The following PIK3C3 variants were observed in gnomAD, a reference collection of about 807,000 sequenced individuals.
PIK3C3 encodes phosphatidylinositol 3-kinase catalytic subunit type 3.
PIK3C3 carries 95 observed loss-of-function variants against 126.1 expected under a neutral mutation model. The ratio of observed to expected loss-of-function variants is 0.75; its 90% CI spans 0.64 to 0.89. The LOEUF (loss-of-function observed/expected upper bound fraction) is 0.89, where lower values mean the gene tolerates loss of function less well. PIK3C3 is among the 40% of genes least tolerant of loss of function. The probability of loss-of-function intolerance (pLI) is 0.00; values close to 1 mark genes in which losing one functional copy is unlikely to be tolerated. For synonymous variants in PIK3C3, 374 were observed against 360.0 expected (o/e 1.04, Z -0.44); for missense variants, 829 against 1,063.2 (o/e 0.78, Z 3.06).
intron 24 of PIK3C3, among the ~76,000 whole-genome samples, chr18:42,076,191 TGC>T (rs1568013939): frequency 7.2e-5 from 8 of 110,920 alleles, no homozygotes; most frequent in South Asian, 4.9e-4. Context: ...CATATATATA[TGC>T]ACACATATAT....
intron 4 of PIK3C3, among the ~76,000 whole-genome samples, chr18:41,984,175 C>T (rs1981350517): frequency 6.6e-6 from 1 of 151,996 alleles, no homozygotes; most frequent in Admixed American, 6.6e-5. Context: ...TAACAGAATG[C>T]AGATTTTCTC....
chr18:42,043,882 C>T (rs1452934902), intron 20 of PIK3C3, 65 bp downstream of exon 20: 3 of 979,654 alleles, frequency 3.1e-6, no homozygotes, highest in Admixed American at 1.8e-5. Flanking sequence ...CCTGATATTG[C>T]CATAATCATA....
intron 23 of PIK3C3, among the ~76,000 whole-genome samples, chr18:42,066,937 A>C (rs1215758608): frequency 6.6e-6 from 1 of 152,100 alleles, no homozygotes; most frequent in African/African-American, 2.4e-5. Context: ...ATAGACACTG[A>C]AGGTATGGGA....
At chr18:41,956,971 A>G (rs1216187456) in intron 1 of PIK3C3, among the ~76,000 whole-genome samples, 2 of 152,224 alleles carry the variant, frequency 1.3e-5, no homozygotes, top group Non-Finnish European at 2.9e-5. Flanking sequence ...TCCTGTGCAT[A>G]TCTATTTATG....
In PIK3C3 at chr18:42,015,505, CA is replaced by C. The variant is rs1254795407; in HGVS notation, c.1356del (p.Val453SerfsTer27). 1.2e-6 allele frequency: 2 copies of C among 1,613,708 alleles called. No individual in the cohort carries two copies. Among genetic ancestry groups the C allele is most frequent in the African/African-American group, 2.7e-5 (2 of 75,032 alleles). ...CAAATTATAACCAGCCCCCTTCCTT[CA>C]GTCTCTTCACCTCCTCCTGCATCAA... ...SSQIITSPLP[S>X]VSSPPPASKT... On this transcript the variant is annotated frameshift_variant, in exon 12 of 25. Transcript: ENST00000262039. LOFTEE classifies it high-confidence loss of function.
rs1053946787 is a variant in PIK3C3, at chr18:42,033,052, C to T, written c.1708-774C>T. On this transcript the variant is annotated intron_variant, in intron 15 of 24. Transcript: ENST00000262039. ...TTTTATGCTGCTGGGATTGTCATGT[C>T]GAGTTTTCCTTCTTAAAGAACAAAC... Among the ~76,000 whole-genome samples, 5 of 152,070 alleles carry T rather than the reference C, an allele frequency of 3.3e-5. No homozygotes were observed. In the South Asian group the frequency reaches 8.3e-4, roughly 25 times the overall value.
chr18:41,985,096 G>A (rs1410303834), intron 4 of PIK3C3: 1 of 152,114 alleles, frequency 6.6e-6, no homozygotes. Context: ...TTATCACCAA[G>A]GTGTTAGAAA....
At chr18:42,059,210 A>G (rs1159718339) in intron 22 of PIK3C3, among the ~76,000 whole-genome samples, 2 of 152,214 alleles carry the variant, frequency 1.3e-5, no homozygotes, top group African/African-American at 4.8e-5. Flanking sequence ...TTGTAAACTC[A>G]GTCTTTTCCA....
intron 21 of PIK3C3, chr18:42,057,500 A>C (rs879901305): frequency 1.2e-5 from 2 of 160,542 alleles, no homozygotes; most frequent in African/African-American, 2.4e-5. Flanking sequence ...ATTTTCTACT[A>C]TATGAAGGGC....
rs368860382 is a variant in PIK3C3 at position 41,957,556 on chromosome 18, T to A, written c.69-14T>A. ...AAATTCATGTCTGAAACATTGTTGG[T>A]CTTGTGCTTTCAGAGGAAGCTTGGA... On this transcript the variant is annotated splice_polypyrimidine_tract_variant and intron_variant, in intron 1 of 24. Coordinates refer to ENST00000262039, the MANE Select transcript of PIK3C3 (RefSeq NM_002647.4). 11 of 1,603,796 alleles carry A rather than the reference T, an allele frequency of 6.9e-6. No individual in the cohort carries two copies. Among genetic ancestry groups the A allele is most frequent in the Non-Finnish European group, 9.3e-6 (11 of 1,177,528 alleles).
chr18:42,066,804 T>C (rs916827418), intron 23 of PIK3C3, among the ~76,000 whole-genome samples: 1 of 152,156 alleles, frequency 6.6e-6, no homozygotes, highest in African/African-American at 2.4e-5. Context: ...AATTATTTTA[T>C]CTTTGGAAAC....
At chr18:42,076,194 ACACATATATATATG>A (rs1356176301) in intron 24 of PIK3C3, among the ~76,000 whole-genome samples, 13 of 99,502 alleles carry the variant, frequency 1.3e-4, no homozygotes, top group Middle Eastern at 4.3e-3. Context: ...ATATATATGC[ACACATATATATATG>A]CACATATATA....
chr18:41,993,156 A>AGG lies in PIK3C3; in HGVS notation c.715-114_715-113insGG, dbSNP rs1238588620. ...TTAGAAGAAGATAAGGATTTCTTTA[A>AGG]AGGGAAGAATGATGTTCATCAAATA... is the stretch of plus-strand genomic sequence containing the variant. On this transcript the variant is annotated intron_variant, in intron 6 of 24. Coordinates refer to ENST00000262039, the MANE Select transcript of PIK3C3 (RefSeq NM_002647.4). 3 of 565,114 alleles carry AGG rather than the reference A, an allele frequency of 5.3e-6. No homozygotes were observed. In the South Asian group the frequency reaches 7.9e-5, roughly 15 times the overall value. The allele number at this position is 565,114 out of a possible 1,614,324, so 35.0% of individuals were successfully genotyped here. A position where few individuals can be genotyped will look rare whatever the true frequency, so the allele number is the denominator to read the frequency against.
At chr18:42,058,872 A>G (rs1031539470) in intron 22 of PIK3C3, among the ~76,000 whole-genome samples, 3 of 152,234 alleles carry the variant, frequency 2.0e-5, no homozygotes, top group Non-Finnish European at 2.9e-5. Context: ...TTCTTAGTCC[A>G]GCAGAAAATC....
rs1460213356 is a variant in PIK3C3 at position 42,076,123 on chromosome 18, CGCATATAT to C, written c.2650-4999_2650-4992del. Among the ~76,000 whole-genome samples the C allele has an allele frequency of 2.7e-3, 82 of 30,256 alleles. 8 individuals carry two copies. Among genetic ancestry groups the C allele is most frequent in the African/African-American group, 0.013 (80 of 6,270 alleles). 19.8% of individuals were successfully genotyped at this position (30,256 alleles called of 152,430 possible). A position where few individuals can be genotyped will look rare whatever the true frequency, so the allele number is the denominator to read the frequency against. On this transcript the variant is annotated intron_variant, in intron 24 of 24. Transcript: ENST00000262039. ...ATATATATATATATATATATATATG[CGCATATAT>C]ATATATATATATGCGCATATATATA...
At chr18:41,966,925 AG>A in intron 3 of PIK3C3, among the ~76,000 whole-genome samples, 1 of 152,308 alleles carries the variant, frequency 6.6e-6, no homozygotes, top group Admixed American at 6.5e-5. Flanking sequence ...AGATATTTTG[AG>A]GGGGTGGAGT....
At chr18:41,988,024 G>T in intron 5 of PIK3C3, 126 bp downstream of exon 5, 1 of 560,464 alleles carries the variant, frequency 1.8e-6, no homozygotes, top group Non-Finnish European at 3.1e-6. Flanking sequence ...CCTGTAGCTG[G>T]GAATTCTATG....
intron 23 of PIK3C3, among the ~76,000 whole-genome samples, chr18:42,065,711 AT>A (rs890609381): frequency 1.3e-5 from 2 of 151,430 alleles, no homozygotes; most frequent in African/African-American, 2.4e-5. Context: ...AAAGATGGGG[AT>A]TTTTTTTTAG....
intron 12 of PIK3C3, among the ~76,000 whole-genome samples, chr18:42,018,922 A>G (rs1285459644): frequency 2.0e-5 from 3 of 152,166 alleles, no homozygotes; most frequent in African/African-American, 4.8e-5. Flanking sequence ...CACAAACCTC[A>G]GATGAGCACT....
Sources: allele counts gnomAD v4.1 joint callset (sites outside exome capture counted in the v4.1 genomes callset), GRCh38; gene constraint gnomAD v4.1.1; transcripts MANE v1.5; gene names NCBI Gene and HGNC (gene_info 2026-07-23, HGNC 2026-07-21).